The following SIPA1L1 variants were observed in gnomAD, a reference collection of about 807,000 sequenced individuals.
The protein encoded by SIPA1L1 is signal induced proliferation associated 1 like 1.
In SIPA1L1, 26 loss-of-function variants were observed where a neutral mutation model predicts 162.7. That is an observed-to-expected ratio of 0.16 (90% CI 0.12 to 0.22). SIPA1L1 has a LOEUF of 0.22. Among genes scored for constraint, SIPA1L1 ranks in the 10% least tolerant of loss-of-function variants. SIPA1L1 has a pLI of 1.00. For missense variants in SIPA1L1, 1,874 were observed against 2,241.0 expected, an observed-to-expected ratio of 0.84 and a Z score of 3.31; for synonymous variants, 829 against 837.4, an observed-to-expected ratio of 0.99 and a Z score of 0.17.
chr14:71,359,573 A>C (rs533077802), intron 2 of SIPA1L1, among the ~76,000 whole-genome samples: 2 of 152,182 alleles, frequency 1.3e-5, no homozygotes, highest in African/African-American at 4.8e-5. Flanking sequence ...GTAGATAATA[A>C]ATGTGTTGAA....
At chr14:71,544,117 A>G (rs1021616428) in intron 4 of SIPA1L1, among the ~76,000 whole-genome samples, 4 of 151,108 alleles carry the variant, frequency 2.6e-5, no homozygotes, top group African/African-American at 9.8e-5. Flanking sequence ...GTATATACAC[A>G]TATATGCACG....
At chr14:71,589,529 C>CT (rs1383171498) in intron 5 of SIPA1L1, among the ~76,000 whole-genome samples, 159 bp downstream of exon 5, 1 of 152,060 alleles carries the variant, frequency 6.6e-6, no homozygotes, top group African/African-American at 2.4e-5. Context: ...CAATTTATTT[C>CT]TTTTTGCATT....
intron 2 of SIPA1L1, among the ~76,000 whole-genome samples, chr14:71,489,461 G>T (rs1218062083): frequency 2.0e-5 from 3 of 152,142 alleles, no homozygotes; most frequent in Non-Finnish European, 1.5e-5. Flanking sequence ...ATATTTTCCA[G>T]TTTGACTAGG....
chr14:71,416,079 A>G (rs1566993732), intron 2 of SIPA1L1: 1 of 152,088 alleles, frequency 6.6e-6, no homozygotes, highest in Non-Finnish European at 1.5e-5. Context: ...AGTTCTGTAT[A>G]CTACCGTGAG....
intron 6 of SIPA1L1, among the ~76,000 whole-genome samples, chr14:71,623,067 G>A (rs1483681331): frequency 6.6e-6 from 1 of 152,114 alleles, no homozygotes; most frequent in Admixed American, 6.6e-5. Context: ...TTTCAGTGGG[G>A]CCTTTCTTTA....
At chr14:71,454,233 A>T (rs1476633966) in intron 2 of SIPA1L1, among the ~76,000 whole-genome samples, 1 of 152,128 alleles carries the variant, frequency 6.6e-6, no homozygotes, top group Admixed American at 6.6e-5. Context: ...AGGTTAAAGG[A>T]GGTCACATAA....
At chr14:71,582,403 G>A (rs2034059209) in intron 4 of SIPA1L1, among the ~76,000 whole-genome samples, 2 of 151,934 alleles carry the variant, frequency 1.3e-5, no homozygotes, top group South Asian at 4.2e-4. Context: ...TCATTCTTCT[G>A]CCCTCAAGCT....
intron 2 of SIPA1L1, among the ~76,000 whole-genome samples, chr14:71,417,609 G>C (rs1483700863): frequency 6.6e-6 from 1 of 151,534 alleles, no homozygotes; most frequent in African/African-American, 2.4e-5. Flanking sequence ...ATGAGGAGGA[G>C]GGAAAGAAGA....
At chr14:71,493,726 A>G (rs2049484998) in intron 2 of SIPA1L1, among the ~76,000 whole-genome samples, 1 of 152,222 alleles carries the variant, frequency 6.6e-6, no homozygotes, top group Non-Finnish European at 1.5e-5. Context: ...TGATACTATA[A>G]AGTCTATATG....
At chr14:71,415,801 G>A (rs1329600891) in intron 2 of SIPA1L1, among the ~76,000 whole-genome samples, 1 of 151,908 alleles carries the variant, frequency 6.6e-6, no homozygotes, top group Non-Finnish European at 1.5e-5. Flanking sequence ...AGGTTCAAGC[G>A]ATTCTCCCGC....
intron 16 of SIPA1L1, among the ~76,000 whole-genome samples, chr14:71,706,556 A>C (rs1263646967): frequency 1.3e-5 from 2 of 152,222 alleles, no homozygotes; most frequent in African/African-American, 4.8e-5. Context: ...CAATAGCCAC[A>C]CATGACTAAG....
intron 12 of SIPA1L1, among the ~76,000 whole-genome samples, chr14:71,682,124 C>T (rs2045864730): frequency 6.6e-6 from 1 of 152,174 alleles, no homozygotes; most frequent in Admixed American, 6.5e-5. Flanking sequence ...GCTGTGTAAA[C>T]TTGGGCAGGT....
intron 4 of SIPA1L1, among the ~76,000 whole-genome samples, chr14:71,554,205 G>C (rs1265229412): frequency 6.6e-6 from 1 of 151,678 alleles, no homozygotes; most frequent in Non-Finnish European, 1.5e-5. Context: ...TTAATGTCTT[G>C]ATATTGAACC....
chr14:71,519,741 A>T (rs2052112246), intron 3 of SIPA1L1, among the ~76,000 whole-genome samples: 1 of 151,990 alleles, frequency 6.6e-6, no homozygotes, highest in African/African-American at 2.4e-5. Context: ...CTGAGGCAGG[A>T]TTATTGCTTG....
chr14:71,556,413 G>T (rs546674705), intron 4 of SIPA1L1, among the ~76,000 whole-genome samples: 1 of 152,308 alleles, frequency 6.6e-6, no homozygotes, highest in South Asian at 2.1e-4. Flanking sequence ...GATAGTGTCA[G>T]ATTCCACAGG....
At chr14:71,696,736 CAG>C (rs1422815048) in intron 13 of SIPA1L1, among the ~76,000 whole-genome samples, 3 of 152,316 alleles carry the variant, frequency 2.0e-5, no homozygotes, top group South Asian at 4.1e-4. Context: ...CCCTTAAAGA[CAG>C]AATCTTAATT....
chr14:71,423,578 C>T, intron 2 of SIPA1L1, among the ~76,000 whole-genome samples: 1 of 152,084 alleles, frequency 6.6e-6, no homozygotes, highest in Non-Finnish European at 1.5e-5. Context: ...TGTCCTTTCC[C>T]CATTGAATGG....
chr14:71,514,045 G>A (rs1345850549), intron 3 of SIPA1L1, among the ~76,000 whole-genome samples: 3 of 152,142 alleles, frequency 2.0e-5, no homozygotes, highest in Non-Finnish European at 2.9e-5. Context: ...AGGGGCATAA[G>A]GCAGAAGAAG....
chr14:71,640,686 G>A (rs1292419725), intron 7 of SIPA1L1, among the ~76,000 whole-genome samples: 1 of 152,146 alleles, frequency 6.6e-6, no homozygotes, highest in Non-Finnish European at 1.5e-5. Context: ...GTGCAGTGGT[G>A]CAGTCTTGGC....
Sources: allele counts gnomAD v4.1 joint callset (sites outside exome capture counted in the v4.1 genomes callset), GRCh38; gene constraint gnomAD v4.1.1; transcripts MANE v1.5; gene names NCBI Gene and HGNC (gene_info 2026-07-23, HGNC 2026-07-21).